Variants in TRPC5 observed in about 807,000 individuals in gnomAD.
TRPC5 encodes transient receptor potential cation channel subfamily C member 5.
TRPC5 carries 9 observed loss-of-function variants against 56.5 expected under a neutral mutation model. The observed-to-expected ratio is 0.16, with a 90% confidence interval of 0.10 to 0.28. The LOEUF is 0.28. Ranked by LOEUF, TRPC5 falls within the 10% of genes least tolerant of loss-of-function variation. The pLI is 1.00. For synonymous variants in TRPC5, 282 were observed against 278.5 expected (o/e 1.01, Z -0.13); for missense variants, 469 against 748.9 (o/e 0.63, Z 4.36).
intron 7 of TRPC5, among the ~76,000 whole-genome samples, chrX:111,829,669 C>T (rs951687298): frequency 1.8e-5 from 2 of 112,758 alleles, no homozygotes; most frequent in East Asian, 2.8e-4. Context: ...GGGTACAAGC[C>T]CCAACCCTTG....
intron 1 of TRPC5, among the ~76,000 whole-genome samples, chrX:111,994,967 G>T (rs906547751): frequency 2.7e-5 from 3 of 110,797 alleles, no homozygotes; most frequent in African/African-American, 9.9e-5. Flanking sequence ...TCTTTCTCTT[G>T]CCTGATTGCC....
At chrX:111,861,010 T>A (rs1479786421) in intron 3 of TRPC5, among the ~76,000 whole-genome samples, 5 of 112,319 alleles carry the variant, frequency 4.5e-5, no homozygotes, top group African/African-American at 1.6e-4. Flanking sequence ...TGTTTTGTTT[T>A]GTTTTGCCAA....
At position 111,995,168 on chromosome X, in the gene TRPC5, G is replaced by A. The variant is rs963266929; in HGVS notation, c.-21-42727C>T. On this transcript the variant is annotated intron_variant, in intron 1 of 10. Transcript: ENST00000262839. ...ATACCCAGTTTATTGAGAGTTTTTA[G>A]TACGAATGGCTCTTGAATTTTGTCA... Among the ~76,000 whole-genome samples, 5 of 111,724 alleles carry A rather than the reference G, an allele frequency of 4.5e-5. No homozygotes were observed. In the East Asian group the frequency reaches 1.1e-3, roughly 25 times the overall value.
At chrX:111,898,016 T>G (rs923034086) in intron 3 of TRPC5, among the ~76,000 whole-genome samples, 1 of 110,412 alleles carries the variant, frequency 9.1e-6, no homozygotes, top group African/African-American at 3.3e-5. Flanking sequence ...GTGTGAGAAT[T>G]CTGGTTCCTC....
intron 7 of TRPC5, among the ~76,000 whole-genome samples, chrX:111,795,445 T>C (rs1352324469): frequency 9.0e-6 from 1 of 111,620 alleles, no homozygotes; most frequent in Non-Finnish European, 1.9e-5. Flanking sequence ...ATATGATTGG[T>C]TACTTTGCAT....
chrX:111,960,573 C>A (rs1017370970), intron 1 of TRPC5, among the ~76,000 whole-genome samples: 1 of 111,837 alleles, frequency 8.9e-6, no homozygotes. Context: ...TGGAAACACA[C>A]TGAAACAGCA....
At position 111,853,789 on chromosome X, in the gene TRPC5, C is replaced by T; in HGVS notation, c.1218G>A (p.Met406Ile). The change falls in exon 4 of 11, where the codon ATG becomes ATA. Residue 406 changes from methionine (M) to isoleucine (I), a missense_variant. Transcript: ENST00000262839. ...QGPPPTVVEW[M>I]ILPWVLGFIW... is the part of the protein sequence containing the mutation. ...ACTTACCTAGAACCCAAGGCAATATCATCCATTCCACGACAGTTGGGGGAG... is the reference window on the plus strand; with the variant it reads ...ACTTACCTAGAACCCAAGGCAATATTATCCATTCCACGACAGTTGGGGGAG... 8.3e-7 allele frequency: 1 copy of T among 1,211,665 alleles called. No homozygotes were observed. The highest frequency in any genetic ancestry group is 1.1e-6 in the Non-Finnish European group (1 of 895,394).
chrX:111,994,057 T>C (rs1928445358), intron 1 of TRPC5, among the ~76,000 whole-genome samples: 1 of 112,273 alleles, frequency 8.9e-6, no homozygotes, highest in African/African-American at 3.2e-5. Flanking sequence ...AAACCTTTAA[T>C]CCATCTTGAA....
chrX:112,054,503 T>G (rs752371784), intron 1 of TRPC5, among the ~76,000 whole-genome samples: 1 of 110,917 alleles, frequency 9.0e-6, no homozygotes, highest in South Asian at 3.9e-4. Flanking sequence ...ACATACTACA[T>G]AACTATAGTT....
intron 2 of TRPC5, among the ~76,000 whole-genome samples, chrX:111,922,976 T>G (rs2148625096): frequency 9.0e-6 from 1 of 111,427 alleles, no homozygotes; most frequent in South Asian, 3.8e-4. Context: ...TCACTATAGC[T>G]CTATGCTATA....
chrX:111,852,806 T>C (rs1270837547), intron 4 of TRPC5, among the ~76,000 whole-genome samples: 1 of 111,970 alleles, frequency 8.9e-6, no homozygotes, highest in Admixed American at 9.5e-5. Flanking sequence ...CCATAGTCCT[T>C]AGTTTCCACT....
rs113555140 is a variant in TRPC5 at position 112,016,360 on chromosome X, A to AGTGTGTGT, written c.-21-63927_-21-63920dup. Among the ~76,000 whole-genome samples, 555 of 102,843 alleles carry AGTGTGTGT rather than the reference A, an allele frequency of 5.4e-3. 2 individuals are homozygous for AGTGTGTGT. The highest frequency in any genetic ancestry group is 0.018 in the African/African-American group (498 of 27,326). The allele number at this position is 102,843 out of a possible 115,157, so 89.3% of individuals were successfully genotyped here. A position where few individuals can be genotyped will look rare whatever the true frequency, so the allele number is the denominator to read the frequency against. On this transcript the variant is annotated intron_variant, in intron 1 of 10. Coordinates refer to ENST00000262839, the MANE Select transcript of TRPC5 (RefSeq NM_012471.3). Reference sequence around the variant, plus strand: ...CAGAGAAGCACCTCTGGAAGGTTGGAGTGTGTGTGTGTGTGTGTGTGTGTG... The same window carrying AGTGTGTGT: ...CAGAGAAGCACCTCTGGAAGGTTGGAGTGTGTGTGTGTGTGTGTGTGTGTGTGTGTGTG...
At chrX:112,039,756 G>C (rs1460462156) in intron 1 of TRPC5, among the ~76,000 whole-genome samples, 1 of 111,588 alleles carries the variant, frequency 9.0e-6, no homozygotes, top group Non-Finnish European at 1.9e-5. Flanking sequence ...CAGGGACAAC[G>C]AAAACAGCAG....
intron 1 of TRPC5, among the ~76,000 whole-genome samples, chrX:111,995,987 C>T (rs1298393042): frequency 9.2e-6 from 1 of 109,107 alleles, no homozygotes; most frequent in Non-Finnish European, 1.9e-5. Context: ...ATCTCTTTCA[C>T]TTCTGCTCTG....
intron 1 of TRPC5, among the ~76,000 whole-genome samples, chrX:111,961,987 A>C (rs1927394820): frequency 8.9e-6 from 1 of 112,197 alleles, no homozygotes; most frequent in Admixed American, 9.5e-5. Flanking sequence ...ACTCAGAAAC[A>C]GAAAACCAAT....
rs760601912 is a variant in TRPC5, at chrX:111,934,488, C to T, written c.378+17555G>A. On this transcript the variant is annotated intron_variant, in intron 2 of 10. Coordinates refer to ENST00000262839, the MANE Select transcript of TRPC5 (RefSeq NM_012471.3). ...TTGTGTTACAGACATTCCAATATAC[C>T]GTTTTAGTTATTTTTAAAATGTACC... is the stretch of plus-strand genomic sequence containing the variant. 2.7e-5 allele frequency among the ~76,000 whole-genome samples: 3 copies of T among 110,812 alleles called. No individual in the cohort carries two copies. The South Asian group carries it at 1.1e-3, about 42-fold the overall frequency.
chrX:111,951,631 T>C (rs1927088510), intron 2 of TRPC5, among the ~76,000 whole-genome samples: 1 of 111,813 alleles, frequency 8.9e-6, no homozygotes, highest in South Asian at 3.8e-4. Flanking sequence ...GCCTCCTGTG[T>C]TGTCTTCAGA....
intron 2 of TRPC5, among the ~76,000 whole-genome samples, chrX:111,944,319 A>T (rs755923538): frequency 5.4e-3 from 579 of 106,340 alleles, no homozygotes; most frequent in Non-Finnish European, 9.7e-3. Context: ...AGAGAGAGAG[A>T]GAGAGAGAGA....
intron 1 of TRPC5, among the ~76,000 whole-genome samples, chrX:112,038,390 G>C (rs1929803676): frequency 8.9e-6 from 1 of 111,930 alleles, no homozygotes; most frequent in Admixed American, 9.5e-5. Context: ...TCAGTGTGCT[G>C]TATCCAGCAA....
Sources: allele counts gnomAD v4.1 joint callset (sites outside exome capture counted in the v4.1 genomes callset), GRCh38; gene constraint gnomAD v4.1.1; transcripts MANE v1.5; gene names NCBI Gene and HGNC (gene_info 2026-07-23, HGNC 2026-07-21).